Variants in MICU3 observed in about 807,000 individuals in gnomAD.
MICU3 encodes the protein mitochondrial calcium uptake 3.
Under a neutral mutation model 66.5 loss-of-function variants are expected in MICU3, and 62 were observed. The observed-to-expected ratio is 0.93, with a 90% CI of 0.76 to 1.15. The LOEUF is 1.15. Ranked by LOEUF, MICU3 falls within the 50% of genes most tolerant of loss-of-function variation. MICU3 has a pLI of 0.00. For missense variants in MICU3, 779 were observed against 664.4 expected, an observed-to-expected ratio of 1.17 and a Z score of -1.90; for synonymous variants, 308 against 240.7, an observed-to-expected ratio of 1.28 and a Z score of -2.59.
At chr8:17,137,742 G>C in the MICU3 span, among the ~76,000 whole-genome samples, 7 of 120,042 alleles carry the variant, frequency 5.8e-5, no homozygotes, top group Admixed American at 3.2e-4. Context: ...TTTTGAGACA[G>C]AGTCTCACTC....
chr8:17,062,090 A>C (rs1475467690), intron 1 of MICU3, among the ~76,000 whole-genome samples: 5 of 152,196 alleles, frequency 3.3e-5, no homozygotes, highest in Non-Finnish European at 1.5e-5. Flanking sequence ...TTAGTCTGGC[A>C]TTCAGAAATC....
At chr8:17,093,032 C>T (rs1231039771) in intron 8 of MICU3, among the ~76,000 whole-genome samples, 2 of 152,126 alleles carry the variant, frequency 1.3e-5, no homozygotes, top group East Asian at 1.9e-4. Flanking sequence ...AATTTAATCA[C>T]TTTTACAGTA....
intron 1 of MICU3, among the ~76,000 whole-genome samples, chr8:17,058,208 A>G (rs558372148): frequency 6.6e-6 from 1 of 152,352 alleles, no homozygotes; most frequent in South Asian, 2.1e-4. Context: ...GAAATAATAC[A>G]TAGTAATGAA....
rs187282406 is a variant in MICU3, at chr8:17,121,388, T to G, written c.*1101T>G. On this transcript the variant is annotated 3_prime_UTR_variant, in exon 15 of 15. Transcript: ENST00000318063. ...TAAAAGGGAAAATAAAAACTTTCTG[T>G]TGAATCACAACAAAATTAGATTTGT... is the stretch of plus-strand genomic sequence containing the variant. 9.9e-5 allele frequency: 15 copies of G among 151,940 alleles called. No individual in the cohort carries two copies. Among genetic ancestry groups the G allele is most frequent in the African/African-American group, 3.6e-4 (15 of 41,548 alleles). 9.4% of individuals were successfully genotyped at this position (151,940 alleles called of 1,614,324 possible). A position where few individuals can be genotyped will look rare whatever the true frequency, so the allele number is the denominator to read the frequency against.
At position 17,087,119 on chromosome 8, in the gene MICU3, G is replaced by A; in HGVS notation, c.849+84G>A. ...TGTTAAGAAACAATAATTAAAGTTT[G>A]TAACTTTGAAGCTGTCCCTTTCTTG... On this transcript the variant is annotated intron_variant, in intron 7 of 14. Transcript: ENST00000318063. 10 of 960,596 alleles carry A rather than the reference G, an allele frequency of 1.0e-5. No individual in the cohort carries two copies. In the South Asian group the frequency reaches 1.6e-4, roughly 15 times the overall value. 59.5% of individuals were successfully genotyped at this position (960,596 alleles called of 1,614,324 possible). A position where few individuals can be genotyped will look rare whatever the true frequency, so the allele number is the denominator to read the frequency against.
intron 1 of MICU3, among the ~76,000 whole-genome samples, chr8:17,031,712 C>A (rs553174638): frequency 1.3e-5 from 2 of 152,052 alleles, no homozygotes; most frequent in African/African-American, 4.8e-5. Context: ...ATAAGCCTGG[C>A]GTGTAAATTA....
rs891094684 is a variant in MICU3, at chr8:17,096,379, G to A, written c.889-2079G>A. ...AATATCCTTACTGTATTATATTTTC[G>A]TGGTGATAAAACTTCCTACTAGTTT... is the stretch of plus-strand genomic sequence containing the variant. On this transcript the variant is annotated intron_variant, in intron 8 of 14. Coordinates refer to ENST00000318063, the MANE Select transcript of MICU3 (RefSeq NM_181723.3). 9.9e-5 allele frequency among the ~76,000 whole-genome samples: 15 copies of A among 151,654 alleles called. 1 individual carries two copies. Among genetic ancestry groups the A allele is most frequent in the Admixed American group, 4.6e-4 (7 of 15,180 alleles).
At chr8:17,100,977 T>A (rs1801206421) in intron 9 of MICU3, among the ~76,000 whole-genome samples, 1 of 151,842 alleles carries the variant, frequency 6.6e-6, no homozygotes, top group South Asian at 2.1e-4. Flanking sequence ...TTCAATGGAT[T>A]ATTCAAAAAC....
In MICU3 at chr8:17,051,956, A is replaced by C. The variant is rs1396490268; in HGVS notation, c.382-12128A>C. On this transcript the variant is annotated intron_variant, in intron 1 of 14. Coordinates refer to ENST00000318063, the MANE Select transcript of MICU3 (RefSeq NM_181723.3). ...GCACCGTGCGTTATGCTGAAGGAGA[A>C]GTATACAGTGGAAGAGGAAAAAATA... Among the ~76,000 whole-genome samples the C allele has an allele frequency of 2.0e-5, 3 of 152,050 alleles. No individual in the cohort carries two copies. In the South Asian group the frequency reaches 6.2e-4, roughly 32 times the overall value.
chr8:17,093,535 A>C (rs1057370093), intron 8 of MICU3, among the ~76,000 whole-genome samples: 5 of 152,002 alleles, frequency 3.3e-5, no homozygotes, highest in African/African-American at 1.2e-4. Flanking sequence ...CTCTGTCATT[A>C]CTAATGTTTT....
chr8:17,039,548 A>G (rs1813667758), intron 1 of MICU3, among the ~76,000 whole-genome samples: 1 of 152,174 alleles, frequency 6.6e-6, no homozygotes, highest in African/African-American at 2.4e-5. Context: ...ATTACTTTTC[A>G]GTTTTAGTAA....
At chr8:17,131,140 A>G in the MICU3 span, 1 of 152,240 alleles carries the variant, frequency 6.6e-6, no homozygotes, top group Non-Finnish European at 1.5e-5. Flanking sequence ...AATGTAAGAA[A>G]TGATTAGAAT....
At chr8:17,093,318 C>G (rs944969766) in intron 8 of MICU3, among the ~76,000 whole-genome samples, 10 of 151,904 alleles carry the variant, frequency 6.6e-5, no homozygotes, top group African/African-American at 2.4e-4. Flanking sequence ...TCTAAATTCT[C>G]CTAGTTTCAT....
At chr8:17,103,043 A>G (rs1801404813) in intron 9 of MICU3, among the ~76,000 whole-genome samples, 1 of 152,008 alleles carries the variant, frequency 6.6e-6, no homozygotes, top group African/African-American at 2.4e-5. Context: ...AGATGACCCT[A>G]CATGCTGGAG....
the MICU3 span, among the ~76,000 whole-genome samples, chr8:17,133,332 T>C: frequency 6.6e-6 from 1 of 152,228 alleles, no homozygotes; most frequent in South Asian, 2.1e-4. Context: ...CATTTTTTGC[T>C]AACCATTAAG....
chr8:17,052,641 T>A (rs982010673), intron 1 of MICU3, among the ~76,000 whole-genome samples: 1 of 152,200 alleles, frequency 6.6e-6, no homozygotes, highest in Non-Finnish European at 1.5e-5. Flanking sequence ...TATTAGCTTG[T>A]CTTCAGCTGT....
intron 1 of MICU3, among the ~76,000 whole-genome samples, chr8:17,059,151 C>A (rs1195124803): frequency 6.6e-6 from 1 of 152,136 alleles, no homozygotes; most frequent in Non-Finnish European, 1.5e-5. Flanking sequence ...AGAGTTTCAT[C>A]CAATATAGTT....
downstream of MICU3, among the ~76,000 whole-genome samples, chr8:17,126,495 G>A (rs1803408450): frequency 6.6e-6 from 1 of 152,166 alleles, no homozygotes; most frequent in Admixed American, 6.5e-5. Context: ...GTTACACATA[G>A]TTCTAATATA....
In MICU3 at chr8:17,116,330, A is replaced by G. The variant is rs1247807664; in HGVS notation, c.1367-113A>G. The G allele has an allele frequency of 4.6e-6, 3 of 645,622 alleles. No homozygotes were observed. In the East Asian group the frequency reaches 1.0e-4, roughly 22 times the overall value. 40.0% of individuals were successfully genotyped at this position (645,622 alleles called of 1,614,324 possible). The stretch of plus-strand genomic sequence containing the variant: ...CAGGATTAATGGAAGGCCATGTTGC[A>G]TAAGATCATGATTCACATTTAGAAA... On this transcript the variant is annotated intron_variant, in intron 12 of 14. Coordinates refer to ENST00000318063, the MANE Select transcript of MICU3 (RefSeq NM_181723.3).
Sources: gnomAD v4.1 joint callset for allele counts (sites outside exome capture counted in the v4.1 genomes callset) on GRCh38, gnomAD v4.1.1 for gene constraint, MANE v1.5 for transcripts, NCBI Gene and HGNC (gene_info 2026-07-23, HGNC 2026-07-21) for gene names.